The following MAOA variants were observed in gnomAD, a reference collection of about 807,000 sequenced individuals.
MAOA encodes the protein monoamine oxidase A.
Under a neutral mutation model 42.0 loss-of-function variants are expected in MAOA, and 6 were observed. That is an observed-to-expected ratio of 0.14 (90% CI 0.08 to 0.28). The LOEUF is 0.28. Ranked by LOEUF, MAOA falls within the 10% of genes least tolerant of loss-of-function variation. The probability of loss-of-function intolerance (pLI) is 1.00; values close to 1 mark genes in which losing one functional copy is unlikely to be tolerated. For synonymous variants in MAOA, 140 were observed against 154.0 expected, an observed-to-expected ratio of 0.91 and a Z score of 0.67; for missense variants, 262 against 422.3, an observed-to-expected ratio of 0.62 and a Z score of 3.33.
intron 1 of MAOA, among the ~76,000 whole-genome samples, chrX:43,660,105 A>G (rs2033220254): frequency 9.0e-6 from 1 of 111,108 alleles, no homozygotes; most frequent in Non-Finnish European, 1.9e-5. Context: ...ACCAATGTCT[A>G]TTATTCCATA....
intron 1 of MAOA, among the ~76,000 whole-genome samples, chrX:43,666,821 G>C (rs1456383843): frequency 9.1e-6 from 1 of 110,301 alleles, no homozygotes; most frequent in African/African-American, 3.3e-5. Context: ...GGCTGTGCTA[G>C]CCTTACTGGT....
At chrX:43,700,717 A>T (rs2033617771) in intron 3 of MAOA, among the ~76,000 whole-genome samples, 1 of 112,089 alleles carries the variant, frequency 8.9e-6, no homozygotes, top group Non-Finnish European at 1.9e-5. Flanking sequence ...CTGGCTATAT[A>T]TTATTTTTGT....
intron 1 of MAOA, among the ~76,000 whole-genome samples, chrX:43,679,562 A>G (rs1226280975): frequency 9.0e-6 from 1 of 110,710 alleles, no homozygotes; most frequent in Non-Finnish European, 1.9e-5. Context: ...AGGTCCCTTT[A>G]TGCACACAAC....
chrX:43,690,262 TTTA>T (rs1325811165), intron 2 of MAOA, among the ~76,000 whole-genome samples: 51 of 109,868 alleles, frequency 4.6e-4, no homozygotes, highest in African/African-American at 1.7e-3. Flanking sequence ...TTCTAGATAA[TTTA>T]TTCAGATCTA....
rs191730062 is a variant in MAOA, at chrX:43,685,031, C to G, written c.168+1424C>G. Among the ~76,000 whole-genome samples, 240 of 108,611 alleles carry G rather than the reference C, an allele frequency of 2.2e-3. 1 individual carries two copies. Among genetic ancestry groups the G allele is most frequent in the African/African-American group, 7.6e-3 (227 of 29,752 alleles). 94.3% of individuals were successfully genotyped at this position (108,611 alleles called of 115,157 possible). Reference sequence around the variant, plus strand: ...TAGCTAGGATTACAGGCACCCCCCCCACCACGCCAGCCAATTTTGTATTTT... The same window carrying G: ...TAGCTAGGATTACAGGCACCCCCCCGACCACGCCAGCCAATTTTGTATTTT... On this transcript the variant is annotated intron_variant, in intron 2 of 14. Coordinates refer to ENST00000338702, the MANE Select transcript of MAOA (RefSeq NM_000240.4).
intron 3 of MAOA, among the ~76,000 whole-genome samples, chrX:43,705,836 A>G (rs2033655413): frequency 8.9e-6 from 1 of 112,604 alleles, no homozygotes; most frequent in African/African-American, 3.2e-5. Context: ...AGATATGCAC[A>G]TGATCAATAA....
intron 1 of MAOA, among the ~76,000 whole-genome samples, chrX:43,657,083 CCTGT>C (rs1284237536): frequency 1.6e-5 from 1 of 61,936 alleles, no homozygotes; most frequent in Non-Finnish European, 2.6e-5. Flanking sequence ...TTAAACTATT[CCTGT>C]GTGTGTGTGT....
At chrX:43,667,377 A>G (rs2033291543) in intron 1 of MAOA, among the ~76,000 whole-genome samples, 1 of 111,540 alleles carries the variant, frequency 9.0e-6, no homozygotes, top group African/African-American at 3.3e-5. Flanking sequence ...ATTCACCTGT[A>G]TCACAGCACC....
Position 43,723,417 on chromosome X carries a change from T to C in MAOA, c.504-4756T>C, listed in dbSNP as rs760778946. ...AGAGGTCCTTCACATCCCTTATAAA[T>C]TGGATTCGTAGGTATGTTATTCTCT... On this transcript the variant is annotated intron_variant, in intron 5 of 14. Transcript: ENST00000338702. 9.9e-5 allele frequency among the ~76,000 whole-genome samples: 11 copies of C among 111,550 alleles called. No individual in the cohort carries two copies. The East Asian group carries it at 2.8e-3, about 29-fold the overall frequency.
At chrX:43,743,658 G>T in intron 12 of MAOA, 136 bp from the exon 13 acceptor site, 1 of 771,769 alleles carries the variant, frequency 1.3e-6, no homozygotes, top group Non-Finnish European at 1.9e-6. Flanking sequence ...CTTTCACCTT[G>T]GGCTAAGTCA....
chrX:43,702,147 T>C (rs750984571), intron 3 of MAOA, among the ~76,000 whole-genome samples: 43 of 112,209 alleles, frequency 3.8e-4, no homozygotes, highest in Non-Finnish European at 5.6e-4. Context: ...TTGAGCCAGC[T>C]AGAAAACCTT....
At chrX:43,679,390 C>G (rs1355835306) in intron 1 of MAOA, among the ~76,000 whole-genome samples, 1 of 108,449 alleles carries the variant, frequency 9.2e-6, no homozygotes, top group Non-Finnish European at 1.9e-5. Flanking sequence ...TATTAAGACT[C>G]TAAGTGAGGG....
chrX:43,692,259 C>A (rs1317355143), intron 2 of MAOA, among the ~76,000 whole-genome samples: 1 of 110,687 alleles, frequency 9.0e-6, no homozygotes, highest in East Asian at 2.8e-4. Flanking sequence ...GTACTGATTT[C>A]TGGGGGAGTG....
At chrX:43,734,944 T>TA (rs2033909277) in intron 9 of MAOA, among the ~76,000 whole-genome samples, 1 of 112,252 alleles carries the variant, frequency 8.9e-6, no homozygotes, top group Non-Finnish European at 1.9e-5. Context: ...CATCTAAACT[T>TA]ACTGATTCTT....
chrX:43,658,050 T>C (rs1473270758), intron 1 of MAOA: 1 of 423,935 alleles, frequency 2.4e-6, no homozygotes, highest in Non-Finnish European at 3.0e-6. Context: ...ACTTGTTGAG[T>C]ACCTGCAATG....
intron 9 of MAOA, 130 bp downstream of exon 9, chrX:43,732,925 T>C (rs768629876): frequency 3.8e-6 from 2 of 529,404 alleles, no homozygotes; most frequent in Non-Finnish European, 6.8e-6. Flanking sequence ...ATATAATGTT[T>C]CCATGTGTTA....
At chrX:43,721,431 A>G (rs2033787741) in intron 5 of MAOA, among the ~76,000 whole-genome samples, 1 of 111,449 alleles carries the variant, frequency 9.0e-6, no homozygotes, top group Non-Finnish European at 1.9e-5. Flanking sequence ...TCTCCACTGA[A>G]GATCGTTGAA....
At chrX:43,684,767 C>CATTTGATT (rs2147081428) in intron 2 of MAOA, among the ~76,000 whole-genome samples, 1 of 111,049 alleles carries the variant, frequency 9.0e-6, no homozygotes, top group African/African-American at 3.3e-5. Context: ...GCAATGCAAA[C>CATTTGATT]ATTTGATTAT....
At chrX:43,710,574 A>C (rs2147093684) in intron 3 of MAOA, among the ~76,000 whole-genome samples, 1 of 112,464 alleles carries the variant, frequency 8.9e-6, no homozygotes, top group Non-Finnish European at 1.9e-5. Context: ...AAAAAATCAA[A>C]TTATCATGCA....
Sources: allele counts gnomAD v4.1 joint callset (sites outside exome capture counted in the v4.1 genomes callset), GRCh38; gene constraint gnomAD v4.1.1; transcripts MANE v1.5; gene names NCBI Gene and HGNC (gene_info 2026-07-23, HGNC 2026-07-21).